Variants in JAZF1 observed in about 807,000 individuals in gnomAD.
JAZF1 encodes juxtaposed with another zinc finger protein 1.
JAZF1 carries 8 observed loss-of-function variants against 26.4 expected under a neutral mutation model. The ratio of observed to expected loss-of-function variants is 0.30; its 90% CI spans 0.18 to 0.55. JAZF1 has a LOEUF of 0.55. Among genes scored for constraint, JAZF1 ranks in the 20% least tolerant of loss-of-function variants. JAZF1 has a pLI of 0.94. For missense variants in JAZF1, 199 were observed against 322.0 expected, an observed-to-expected ratio of 0.62 and a Z score of 2.92; for synonymous variants, 126 against 122.3, an observed-to-expected ratio of 1.03 and a Z score of -0.20.
chr7:28,157,840 C>G (rs1332363218), intron 1 of JAZF1, among the ~76,000 whole-genome samples: 1 of 152,092 alleles, frequency 6.6e-6, no homozygotes, highest in Non-Finnish European at 1.5e-5. Context: ...GAGTTTAGTA[C>G]TGTTCAAAAT....
intron 1 of JAZF1, among the ~76,000 whole-genome samples, chr7:28,110,374 C>T (rs994316633): frequency 3.3e-5 from 5 of 149,470 alleles, no homozygotes; most frequent in Non-Finnish European, 7.4e-5. Context: ...TGTAGTGAGC[C>T]GAGATCACGC....
intron 1 of JAZF1, among the ~76,000 whole-genome samples, chr7:28,019,049 C>T (rs987112063): frequency 6.6e-6 from 1 of 152,218 alleles, no homozygotes; most frequent in African/African-American, 2.4e-5. Context: ...CCTCTCCTCT[C>T]AGGTCTTATT....
In JAZF1 at chr7:27,994,647, C is replaced by T. The variant is rs145365604; in HGVS notation, c.116-2666G>A. ...AACCTTTAGAATATCCATTAAAGTG[C>T]TGAAATCTTAAAATGAAATTAGGCA... is the stretch of plus-strand genomic sequence containing the variant. On this transcript the variant is annotated intron_variant, in intron 1 of 4. Transcript: ENST00000283928. Among the ~76,000 whole-genome samples, 134 of 152,268 alleles carry T rather than the reference C, an allele frequency of 8.8e-4. No homozygotes were observed. In the East Asian group the frequency reaches 0.023, roughly 26 times the overall value.
intron 3 of JAZF1, among the ~76,000 whole-genome samples, chr7:27,865,630 T>A (rs1488186733): frequency 6.8e-6 from 1 of 146,560 alleles, no homozygotes; most frequent in African/African-American, 2.5e-5. Context: ...AGAAGGGGAG[T>A]TTTTGGCGAC....
chr7:27,985,558 A>T (rs1488184057), intron 2 of JAZF1, among the ~76,000 whole-genome samples: 2 of 152,230 alleles, frequency 1.3e-5, no homozygotes, highest in Non-Finnish European at 2.9e-5. Flanking sequence ...TTCTGAAACT[A>T]TTCCAATCAA....
intron 1 of JAZF1, among the ~76,000 whole-genome samples, chr7:28,094,458 C>T (rs987167966): frequency 1.4e-4 from 21 of 152,206 alleles, no homozygotes; most frequent in South Asian, 2.1e-4. Context: ...CTATCCGCTC[C>T]GTAGCACGAA....
chr7:27,919,905 C>G (rs749243601), intron 2 of JAZF1, among the ~76,000 whole-genome samples: 7 of 152,158 alleles, frequency 4.6e-5, no homozygotes, highest in South Asian at 2.1e-4. Context: ...TTACAATCAA[C>G]AACTTGTGGA....
At chr7:27,848,571 G>GGGTGAGTGCGACAGTAGGGT (rs1783074612) in intron 3 of JAZF1, among the ~76,000 whole-genome samples, 1 of 152,218 alleles carries the variant, frequency 6.6e-6, no homozygotes, top group African/African-American at 2.4e-5. Flanking sequence ...CTGTGACACT[G>GGGTGAGTGCGACAGTAGGGT]GGTGAGTGCG....
chr7:27,902,512 C>T lies in JAZF1; in HGVS notation c.189-7096G>A, dbSNP rs978067787. 2.9e-4 allele frequency among the ~76,000 whole-genome samples: 44 copies of T among 152,112 alleles called. 1 individual carries two copies. The highest frequency in any genetic ancestry group is 6.5e-5 in the Admixed American group (1 of 15,274). On this transcript the variant is annotated intron_variant, in intron 2 of 4. Transcript: ENST00000283928. ...GAGGTAGACTGTCTAGATTCAAATC[C>T]CTGATCCATGCCCTGCTAGCTGTGT...
chr7:27,998,025 A>AGAAGGAAGGAAG (rs199643152), intron 1 of JAZF1, among the ~76,000 whole-genome samples: 1,798 of 111,128 alleles, frequency 0.016, 29 homozygotes, highest in East Asian at 0.046. Context: ...AATGGGGGGA[A>AGAAGGAAGGAAG]GAAGGAAGGA....
chr7:27,931,761 G>T (rs11975615), intron 2 of JAZF1, among the ~76,000 whole-genome samples: 145,008 of 152,034 alleles, frequency 0.95, 69,245 homozygotes, highest in East Asian at 1. Context: ...TGCTTGAACC[G>T]GGGAGAATTG....
chr7:27,831,348 CTT>C lies in JAZF1; in HGVS notation c.*1450_*1451del, dbSNP rs1782689992. 1 of 227,078 alleles carries C rather than the reference CTT, an allele frequency of 4.4e-6. No individual in the cohort carries two copies. Among genetic ancestry groups the C allele is most frequent in the Admixed American group, 5.7e-5 (1 of 17,562 alleles). The allele number at this position is 227,078 out of a possible 1,614,324, so 14.1% of individuals were successfully genotyped here. On this transcript the variant is annotated 3_prime_UTR_variant, in exon 5 of 5. Transcript: ENST00000283928. ...CATCAAATGGGAACATGGGAAGAAA[CTT>C]TATAAGCAATTTGAGTTTGTTTTAT...
At chr7:28,005,097 G>A (rs1269448273) in intron 1 of JAZF1, among the ~76,000 whole-genome samples, 1 of 152,146 alleles carries the variant, frequency 6.6e-6, no homozygotes, top group East Asian at 1.9e-4. Context: ...TCTTTGAATT[G>A]TGATATGGTT....
intron 2 of JAZF1, among the ~76,000 whole-genome samples, chr7:27,933,259 A>T (rs1784714000): frequency 6.6e-6 from 1 of 152,256 alleles, no homozygotes; most frequent in Non-Finnish European, 1.5e-5. Flanking sequence ...TTTTGAATAC[A>T]GATGGAGAAT....
chr7:28,031,704 G>A (rs1783196133), intron 1 of JAZF1, among the ~76,000 whole-genome samples: 1 of 152,038 alleles, frequency 6.6e-6, no homozygotes, highest in Non-Finnish European at 1.5e-5. Flanking sequence ...TACAGAGAGG[G>A]GAACAACACA....
intron 2 of JAZF1, among the ~76,000 whole-genome samples, chr7:27,959,808 G>A (rs576216681): frequency 6.6e-6 from 1 of 152,118 alleles, no homozygotes; most frequent in East Asian, 1.9e-4. Flanking sequence ...GCTGAGGCAG[G>A]AGAATCGCTT....
At chr7:27,845,058 A>G (rs1323660109) in intron 3 of JAZF1, among the ~76,000 whole-genome samples, 5 of 152,260 alleles carry the variant, frequency 3.3e-5, no homozygotes, top group Non-Finnish European at 7.3e-5. Flanking sequence ...TGTGCCTCGC[A>G]CCATCCCGAG....
intron 3 of JAZF1, among the ~76,000 whole-genome samples, chr7:27,880,608 G>A (rs1030767587): frequency 1.3e-5 from 2 of 152,066 alleles, no homozygotes; most frequent in African/African-American, 4.8e-5. Flanking sequence ...ACTCCAGCCT[G>A]GGTAACAGCA....
intron 2 of JAZF1, among the ~76,000 whole-genome samples, chr7:27,918,351 T>G (rs1404234337): frequency 6.6e-6 from 1 of 152,172 alleles, no homozygotes; most frequent in Non-Finnish European, 1.5e-5. Flanking sequence ...CAGCCAACAT[T>G]TATCTCTTTG....
Sources: gnomAD v4.1 joint callset for allele counts (sites outside exome capture counted in the v4.1 genomes callset) on GRCh38, gnomAD v4.1.1 for gene constraint, MANE v1.5 for transcripts, NCBI Gene and HGNC (gene_info 2026-07-23, HGNC 2026-07-21) for gene names.